ARHGAP18: variants seen among roughly 807,000 people sequenced by gnomAD.
ARHGAP18 encodes Rho GTPase activating protein 18, also known as rho GTPase-activating protein 18.
Under a neutral mutation model 86.2 loss-of-function variants are expected in ARHGAP18, and 67 were observed. The observed-to-expected ratio is 0.78, with a 90% confidence interval of 0.64 to 0.95. The LOEUF (loss-of-function observed/expected upper bound fraction) is 0.95, where lower values mean the gene tolerates loss of function less well. ARHGAP18 is among the 40% of genes least tolerant of loss of function. The pLI is 0.00. For missense variants in ARHGAP18, 691 were observed against 780.4 expected (o/e 0.89, Z 1.37); for synonymous variants, 283 against 280.4 (o/e 1.01, Z -0.09).
intron 1 of ARHGAP18, among the ~76,000 whole-genome samples, chr6:129,656,568 C>T (rs1309890615): frequency 1.3e-5 from 2 of 151,952 alleles, no homozygotes; most frequent in African/African-American, 2.4e-5. Context: ...TTGAAGAACC[C>T]GGGAGGCGGA....
At position 129,639,470 on chromosome 6, in the gene ARHGAP18, G is replaced by A. The variant is rs116048471; in HGVS notation, c.317-841C>T. Among the ~76,000 whole-genome samples, 994 of 152,220 alleles carry A rather than the reference G, an allele frequency of 6.5e-3. 9 individuals are homozygous for A. The highest frequency in any genetic ancestry group is 0.022 in the African/African-American group (898 of 41,532). ...CAAGTCTCTTTGGAAAAGTCACTTA[G>A]CCTCAAGTTGACTCTGTTTTCTGAT... is the stretch of plus-strand genomic sequence containing the variant. On this transcript the variant is annotated intron_variant, in intron 2 of 14. Coordinates refer to ENST00000368149, the MANE Select transcript of ARHGAP18 (RefSeq NM_033515.3).
chr6:129,655,315 C>CT (rs1201684049), intron 1 of ARHGAP18, among the ~76,000 whole-genome samples: 9 of 52,070 alleles, frequency 1.7e-4, no homozygotes, highest in African/African-American at 8.4e-4. Context: ...GCAAAACTCT[C>CT]TCAAAAAAAA....
At chr6:129,638,281 C>T in intron 3 of ARHGAP18, 113 bp downstream of exon 3, 5 of 1,052,826 alleles carry the variant, frequency 4.7e-6, no homozygotes, top group Non-Finnish European at 7.0e-6. Context: ...AGCTTTGGTG[C>T]CTGGCATAGA....
At chr6:129,656,863 C>T (rs1047797553) in intron 1 of ARHGAP18, among the ~76,000 whole-genome samples, 3 of 152,074 alleles carry the variant, frequency 2.0e-5, no homozygotes, top group Admixed American at 6.5e-5. Flanking sequence ...TATATTAATC[C>T]CCTCCTGGGA....
At chr6:129,679,445 T>C (rs1774288602) in intron 1 of ARHGAP18, among the ~76,000 whole-genome samples, 1 of 152,240 alleles carries the variant, frequency 6.6e-6, no homozygotes, top group Non-Finnish European at 1.5e-5. Flanking sequence ...AAGCATGTAC[T>C]CATTTGGAAA....
intron 5 of ARHGAP18, among the ~76,000 whole-genome samples, chr6:129,621,625 T>C (rs12525284): frequency 0.099 from 15,080 of 152,212 alleles, 1,024 homozygotes; most frequent in Middle Eastern, 0.17. Context: ...ACTTACAAGG[T>C]TGTGGCGAAG....
At chr6:129,686,205 T>G (rs918334052) in intron 1 of ARHGAP18, among the ~76,000 whole-genome samples, 8 of 152,200 alleles carry the variant, frequency 5.3e-5, no homozygotes, top group Non-Finnish European at 1.2e-4. Context: ...TTCATTTGCA[T>G]GGTAAGTACC....
chr6:129,644,126 A>G (rs1562707981), intron 1 of ARHGAP18, among the ~76,000 whole-genome samples: 1 of 152,198 alleles, frequency 6.6e-6, no homozygotes, highest in Non-Finnish European at 1.5e-5. Context: ...GGGGCCAACA[A>G]GCCTAAGTCT....
chr6:129,651,078 A>G (rs1374962003), intron 1 of ARHGAP18, among the ~76,000 whole-genome samples: 1 of 152,174 alleles, frequency 6.6e-6, no homozygotes, highest in Non-Finnish European at 1.5e-5. Context: ...GCCATAGCAG[A>G]TGTTGGTGAA....
intron 1 of ARHGAP18, among the ~76,000 whole-genome samples, chr6:129,666,170 G>A (rs1451949546): frequency 6.6e-6 from 1 of 152,142 alleles, no homozygotes; most frequent in Non-Finnish European, 1.5e-5. Flanking sequence ...GCACCAGGGA[G>A]CAGCAGATGA....
chr6:129,597,551 T>C (rs1047022938), intron 12 of ARHGAP18, among the ~76,000 whole-genome samples: 1 of 152,108 alleles, frequency 6.6e-6, no homozygotes, highest in Non-Finnish European at 1.5e-5. Flanking sequence ...TACGGTACCC[T>C]GGTCAGGCTT....
chr6:129,708,182 T>C lies in ARHGAP18; in HGVS notation c.113+1842A>G, dbSNP rs898060437. 3.3e-5 allele frequency among the ~76,000 whole-genome samples: 5 copies of C among 152,314 alleles called. No individual in the cohort carries two copies. The East Asian group carries it at 9.7e-4, about 29-fold the overall frequency. ...CTAGCCCTACTCCCTCCTTCCTCCCTGCCCTCAAACCAGGCTCCCATCTTC... is the reference window on the plus strand; with the variant it reads ...CTAGCCCTACTCCCTCCTTCCTCCCCGCCCTCAAACCAGGCTCCCATCTTC... On this transcript the variant is annotated intron_variant, in intron 1 of 14. Transcript: ENST00000368149.
chr6:129,618,038 G>T (rs540775285), intron 6 of ARHGAP18, among the ~76,000 whole-genome samples: 1 of 151,394 alleles, frequency 6.6e-6, no homozygotes, highest in South Asian at 2.1e-4. Context: ...AAACTGAAGA[G>T]GTATCTGTTC....
chr6:129,590,998 G>A (rs892490985), intron 12 of ARHGAP18, among the ~76,000 whole-genome samples: 4 of 152,196 alleles, frequency 2.6e-5, no homozygotes, highest in Non-Finnish European at 5.9e-5. Flanking sequence ...AAGAGTTAAA[G>A]TTGTTTCTGG....
At chr6:129,588,211 G>T (rs1459178904) in intron 12 of ARHGAP18, among the ~76,000 whole-genome samples, 1 of 151,158 alleles carries the variant, frequency 6.6e-6, no homozygotes, top group East Asian at 1.9e-4. Flanking sequence ...TCTGCCTCCT[G>T]GGTTCAAGCG....
intron 1 of ARHGAP18, among the ~76,000 whole-genome samples, chr6:129,646,591 T>C (rs959156067): frequency 2.6e-5 from 4 of 152,200 alleles, no homozygotes; most frequent in African/African-American, 9.6e-5. Context: ...AATAAACATC[T>C]TCACATAGAT....
rs1788177276 is a variant in ARHGAP18, at chr6:129,576,449, A to G, written c.*2064T>C. On this transcript the variant is annotated 3_prime_UTR_variant, in exon 15 of 15. Transcript: ENST00000368149. The stretch of plus-strand genomic sequence containing the variant: ...GTACTCCAATCTGGAAAACAGAGCA[A>G]GACCCTGTCTCTAAAAAATTTGAGA... 6.6e-6 allele frequency: 1 copy of G among 152,236 alleles called. No individual in the cohort carries two copies. The highest frequency in any genetic ancestry group is 2.4e-5 in the African/African-American group (1 of 41,460). 9.4% of individuals were successfully genotyped at this position (152,236 alleles called of 1,614,324 possible). A position where few individuals can be genotyped will look rare whatever the true frequency, so the allele number is the denominator to read the frequency against.
intron 5 of ARHGAP18, among the ~76,000 whole-genome samples, chr6:129,626,588 G>T (rs150718699): frequency 6.6e-6 from 1 of 151,526 alleles, no homozygotes; most frequent in African/African-American, 2.4e-5. Flanking sequence ...ACGATACAAA[G>T]AGTAACAATC....
At chr6:129,636,055 CCCTT>C (rs1443983296) in intron 3 of ARHGAP18, among the ~76,000 whole-genome samples, 1 of 152,196 alleles carries the variant, frequency 6.6e-6, no homozygotes, top group Non-Finnish European at 1.5e-5. Flanking sequence ...CCTCTTAACT[CCCTT>C]AGTGAGGGTT....
Sources: allele counts gnomAD v4.1 joint callset (sites outside exome capture counted in the v4.1 genomes callset), GRCh38; gene constraint gnomAD v4.1.1; transcripts MANE v1.5; gene names NCBI Gene and HGNC (gene_info 2026-07-23, HGNC 2026-07-21).